The following PTPRD variants were observed in gnomAD, a reference collection of about 807,000 sequenced individuals.
PTPRD encodes protein tyrosine phosphatase receptor type D, also known as receptor-type tyrosine-protein phosphatase delta.
PTPRD carries 34 observed loss-of-function variants against 214.5 expected under a neutral mutation model. That is an observed-to-expected ratio of 0.16 (90% CI 0.12 to 0.21). The LOEUF is 0.21. PTPRD is among the 10% of genes least tolerant of loss of function. The probability of loss-of-function intolerance (pLI) is 1.00; values close to 1 mark genes in which losing one functional copy is unlikely to be tolerated. For missense variants in PTPRD, 2,545 were observed against 2,398.7 expected (o/e 1.06, Z -1.27); for synonymous variants, 1,128 against 845.7 (o/e 1.33, Z -5.79).
intron 11 of PTPRD, among the ~76,000 whole-genome samples, chr9:8,763,752 T>A (rs1039158516): frequency 2.0e-5 from 3 of 151,338 alleles, no homozygotes; most frequent in Non-Finnish European, 4.4e-5. Context: ...TAGAAGAGAA[T>A]GATCATAAGT....
chr9:8,794,547 T>C (rs2096349622), intron 11 of PTPRD, among the ~76,000 whole-genome samples: 1 of 150,882 alleles, frequency 6.6e-6, no homozygotes. Flanking sequence ...TCTCATTATG[T>C]TGCCCAGGCT....
At chr9:9,708,146 G>A (rs975786719) in intron 7 of PTPRD, among the ~76,000 whole-genome samples, 5 of 152,182 alleles carry the variant, frequency 3.3e-5, no homozygotes, top group Admixed American at 6.5e-5. Flanking sequence ...TTCTGCCTAC[G>A]TTAGTCAAAT....
intron 2 of PTPRD, among the ~76,000 whole-genome samples, chr9:10,588,228 T>A (rs1262164167): frequency 6.6e-6 from 1 of 152,052 alleles, no homozygotes; most frequent in Non-Finnish European, 1.5e-5. Flanking sequence ...GCTCTCAGTT[T>A]TATAGTTGCA....
chr9:9,639,020 T>C (rs1019786469), intron 7 of PTPRD, among the ~76,000 whole-genome samples: 1 of 152,104 alleles, frequency 6.6e-6, no homozygotes, highest in African/African-American at 2.4e-5. Flanking sequence ...AGGCCCCACC[T>C]CCCAATACTG....
chr9:9,358,291 C>T (rs927155001), intron 9 of PTPRD, among the ~76,000 whole-genome samples: 2 of 151,090 alleles, frequency 1.3e-5, no homozygotes, highest in Non-Finnish European at 3.0e-5. Flanking sequence ...ATGCTATTTG[C>T]TTATTACTTT....
chr9:9,412,005 C>T (rs552839761), intron 8 of PTPRD, among the ~76,000 whole-genome samples: 1 of 152,308 alleles, frequency 6.6e-6, no homozygotes, highest in South Asian at 2.1e-4. Context: ...ATAGTGAATC[C>T]ATGTCTTATG....
chr9:8,598,519 A>G (rs2094599466), intron 14 of PTPRD, among the ~76,000 whole-genome samples: 1 of 152,210 alleles, frequency 6.6e-6, no homozygotes, highest in Admixed American at 6.5e-5. Flanking sequence ...GAAAAGTATC[A>G]AAGTACTGAA....
At chr9:8,618,906 GTTTT>G (rs1270022921) in intron 14 of PTPRD, among the ~76,000 whole-genome samples, 4 of 96,844 alleles carry the variant, frequency 4.1e-5, no homozygotes, top group Non-Finnish European at 7.8e-5. Context: ...GTTTGTCTGT[GTTTT>G]TTTGTTTTTT....
At chr9:9,980,467 G>C (rs758796107) in intron 4 of PTPRD, among the ~76,000 whole-genome samples, 2 of 151,442 alleles carry the variant, frequency 1.3e-5, no homozygotes, top group Admixed American at 6.6e-5. Context: ...AATTAGCCGG[G>C]CATAGTGGTA....
intron 12 of PTPRD, among the ~76,000 whole-genome samples, chr9:8,671,384 G>C (rs1449183537): frequency 6.6e-6 from 1 of 152,042 alleles, no homozygotes; most frequent in East Asian, 1.9e-4. Context: ...AGTAACAATG[G>C]TAGGAAATAT....
rs2095867271 is a variant in PTPRD at position 8,449,863 on chromosome 9, G to A, written c.3876-26C>T. 1.9e-6 allele frequency: 3 copies of A among 1,603,846 alleles called. No homozygotes were observed. The African/African-American group carries it at 4.0e-5, about 22-fold the overall frequency. On this transcript the variant is annotated intron_variant, in intron 33 of 45. Transcript: ENST00000381196. ...CTATAGGGGGAAAATAGAAATTTAA[G>A]AAGAAAAGAAAAATCAATTGAAACA...
chr9:8,320,816 C>T (rs181830439), intron 44 of PTPRD, among the ~76,000 whole-genome samples: 55 of 152,154 alleles, frequency 3.6e-4, no homozygotes, highest in African/African-American at 1.3e-3. Context: ...AAAATTAATT[C>T]ATAGCTCTTG....
rs78875532 is a variant in PTPRD, at chr9:9,383,708, G to C, written c.-203+13741C>G. 9.9e-3 allele frequency among the ~76,000 whole-genome samples: 1,509 copies of C among 152,194 alleles called. 9 individuals carry two copies. Among genetic ancestry groups the C allele is most frequent in the Middle Eastern group, 0.02 (6 of 294 alleles). On this transcript the variant is annotated intron_variant, in intron 9 of 45. Transcript: ENST00000381196. ...ACCTTAATTATATTTATTGGTAAGTGTAGGGTAAGTCCTGCTGCAGTAGCA... is the reference window on the plus strand; with the variant it reads ...ACCTTAATTATATTTATTGGTAAGTCTAGGGTAAGTCCTGCTGCAGTAGCA...
At chr9:8,841,174 G>T (rs1041571587) in intron 11 of PTPRD, among the ~76,000 whole-genome samples, 4 of 152,066 alleles carry the variant, frequency 2.6e-5, no homozygotes, top group African/African-American at 9.7e-5. Context: ...ATTACAAGAA[G>T]GAACTTGATT....
intron 12 of PTPRD, among the ~76,000 whole-genome samples, chr9:8,651,188 CAG>C (rs1407820050): frequency 2.4e-4 from 36 of 152,284 alleles, no homozygotes; most frequent in African/African-American, 8.2e-4. Context: ...AAGCGTTCTG[CAG>C]ATGTCTCCCC....
chr9:8,745,824 G>T (rs2092732797), intron 11 of PTPRD, among the ~76,000 whole-genome samples: 1 of 151,092 alleles, frequency 6.6e-6, no homozygotes, highest in Non-Finnish European at 1.5e-5. Context: ...TTTAGATAGG[G>T]TCTTGTTCTG....
At chr9:8,984,587 T>C (rs2099329823) in intron 11 of PTPRD, among the ~76,000 whole-genome samples, 1 of 152,048 alleles carries the variant, frequency 6.6e-6, no homozygotes, top group Non-Finnish European at 1.5e-5. Flanking sequence ...AGTGGTAAAA[T>C]CCATTTTTCT....
intron 7 of PTPRD, among the ~76,000 whole-genome samples, chr9:9,626,838 T>C (rs2095439246): frequency 1.3e-5 from 2 of 152,202 alleles, no homozygotes; most frequent in Admixed American, 1.3e-4. Flanking sequence ...CAAATCTGTT[T>C]TTCTCACCAA....
intron 5 of PTPRD, among the ~76,000 whole-genome samples, chr9:9,937,861 A>T (rs1002254788): frequency 6.6e-6 from 1 of 152,194 alleles, no homozygotes; most frequent in Non-Finnish European, 1.5e-5. Flanking sequence ...TATTCTATTC[A>T]GTTTACCAAA....
Sources: gnomAD v4.1 joint callset for allele counts (sites outside exome capture counted in the v4.1 genomes callset) on GRCh38, gnomAD v4.1.1 for gene constraint, MANE v1.5 for transcripts, NCBI Gene and HGNC (gene_info 2026-07-23, HGNC 2026-07-21) for gene names.